RASSF3: variants seen among roughly 807,000 people sequenced by gnomAD.
The protein encoded by RASSF3 is ras association domain-containing protein 3.
In RASSF3, 19 loss-of-function variants were observed where a neutral mutation model predicts 19.9. The observed-to-expected ratio is 0.96, with a 90% confidence interval of 0.67 to 1.40. RASSF3 has a LOEUF of 1.40. RASSF3 is among the 40% of genes most tolerant of loss of function. RASSF3 has a pLI of 0.00. For synonymous variants in RASSF3, 110 were observed against 104.2 expected, an observed-to-expected ratio of 1.06 and a Z score of -0.34; for missense variants, 306 against 289.8, an observed-to-expected ratio of 1.06 and a Z score of -0.41.
At chr12:64,604,129 CTTTT>C (rs201730918) in intron 2 of RASSF3, among the ~76,000 whole-genome samples, 1 of 126,004 alleles carries the variant, frequency 7.9e-6, no homozygotes. Flanking sequence ...TACAGGTTTT[CTTTT>C]TTTTTTTTTT....
intron 2 of RASSF3, among the ~76,000 whole-genome samples, chr12:64,565,917 G>T (rs1343130080): frequency 6.8e-6 from 1 of 147,264 alleles, no homozygotes; most frequent in Non-Finnish European, 1.5e-5. Flanking sequence ...GAAGAGTCTT[G>T]CAGCCGGGCG....
intron 1 of RASSF3, among the ~76,000 whole-genome samples, chr12:64,663,985 A>G (rs772757091): frequency 1.9e-4 from 29 of 152,278 alleles, no homozygotes; most frequent in Middle Eastern, 6.8e-3. Flanking sequence ...CAGCACGCCA[A>G]TATATACAAG....
intron 4 of RASSF3, among the ~76,000 whole-genome samples, 154 bp downstream of exon 4, chr12:64,691,733 G>GAGACGAGAGTTGGAGGGC (rs1555217318): frequency 6.6e-6 from 1 of 152,154 alleles, no homozygotes; most frequent in African/African-American, 2.4e-5. Flanking sequence ...AGGGCAGGGA[G>GAGACGAGAGTTGGAGGGC]AGGGAGAGGG....
At chr12:64,638,376 C>T (rs766217031) in intron 1 of RASSF3, among the ~76,000 whole-genome samples, 7 of 151,828 alleles carry the variant, frequency 4.6e-5, no homozygotes, top group African/African-American at 1.5e-4. Context: ...GTCAGGAGAT[C>T]GAGACCATCC....
intron 1 of RASSF3, among the ~76,000 whole-genome samples, chr12:64,526,897 G>A (rs1868600201): frequency 6.6e-6 from 1 of 152,188 alleles, no homozygotes; most frequent in South Asian, 2.1e-4. Flanking sequence ...TGTGGTAATT[G>A]TCTTTCTGTG....
chr12:64,581,121 A>AAAG (rs1869688415), intron 2 of RASSF3, among the ~76,000 whole-genome samples: 2 of 151,324 alleles, frequency 1.3e-5, no homozygotes, highest in Non-Finnish European at 2.9e-5. Flanking sequence ...AAAAAAAAAA[A>AAAG]AGAGAGAGAG....
In RASSF3 at chr12:64,559,496, C is replaced by T. The variant is rs1467111693; in HGVS notation, c.294+17791C>T. Among the ~76,000 whole-genome samples, 7 of 152,164 alleles carry T rather than the reference C, an allele frequency of 4.6e-5. No homozygotes were observed. The East Asian group carries it at 7.7e-4, about 17-fold the overall frequency. ...GTGTTAGCCAGGATGGTCTCGATCT[C>T]CTGACCTCGTGATCTGCCCACCTCG... On this transcript the variant is annotated intron_variant, in intron 2 of 5. Coordinates refer to the RASSF3 transcript ENST00000637125.
exon 1 of RASSF3, chr12:64,507,207 T>C (rs954871928): frequency 2.8e-5 from 11 of 398,554 alleles, no homozygotes; most frequent in Admixed American, 8.8e-5. Flanking sequence ...GTTCTCGCTA[T>C]GGCCATAAGA....
intron 2 of RASSF3, among the ~76,000 whole-genome samples, chr12:64,581,820 C>CT (rs1489103410): frequency 7.1e-6 from 1 of 141,058 alleles, no homozygotes; most frequent in Non-Finnish European, 1.5e-5. Context: ...TTTGTTTCTT[C>CT]TTTTTAAATC....
intron 3 of RASSF3, 109 bp from the exon 4 acceptor site, chr12:64,691,361 C>A: frequency 1.4e-6 from 1 of 721,168 alleles, no homozygotes. Flanking sequence ...GACTTAGAGG[C>A]TGGGGTAACT....
intron 2 of RASSF3, among the ~76,000 whole-genome samples, chr12:64,588,864 T>C (rs1361846942): frequency 6.6e-6 from 1 of 152,204 alleles, no homozygotes; most frequent in Non-Finnish European, 1.5e-5. Flanking sequence ...CTTTAATGTC[T>C]ATATAATAGA....
intron 4 of RASSF3, among the ~76,000 whole-genome samples, chr12:64,693,302 C>T (rs1868311300): frequency 6.6e-6 from 1 of 152,114 alleles, no homozygotes; most frequent in South Asian, 2.1e-4. Context: ...AGTTCTCCAC[C>T]AGGATCCAGG....
intron 1 of RASSF3, among the ~76,000 whole-genome samples, chr12:64,667,369 C>G (rs1306251658): frequency 6.6e-6 from 1 of 152,098 alleles, no homozygotes; most frequent in Non-Finnish European, 1.5e-5. Context: ...CTCTGTCACC[C>G]AGGCTGGAGT....
intron 2 of RASSF3, among the ~76,000 whole-genome samples, chr12:64,583,362 C>A (rs1489426917): frequency 6.6e-6 from 1 of 152,218 alleles, no homozygotes; most frequent in African/African-American, 2.4e-5. Flanking sequence ...TGGCTCACGC[C>A]TGTAATCCCA....
At chr12:64,644,699 A>AAAACAAACAAACAAACAAAC (rs67152006) in intron 1 of RASSF3, among the ~76,000 whole-genome samples, 6,928 of 150,304 alleles carry the variant, frequency 0.046, 197 homozygotes, top group Non-Finnish European at 0.068. Flanking sequence ...TCTCCAACCA[A>AAAACAAACAAACAAACAAAC]AAACAAACAA....
chr12:64,527,180 T>C (rs192248132), intron 1 of RASSF3, among the ~76,000 whole-genome samples: 126 of 152,278 alleles, frequency 8.3e-4, no homozygotes, highest in Non-Finnish European at 1.4e-3. Context: ...CAGAATCCTA[T>C]CATTGAGTCC....
intron 1 of RASSF3, among the ~76,000 whole-genome samples, chr12:64,648,590 A>C (rs1019628930): frequency 2.0e-5 from 3 of 150,234 alleles, no homozygotes; most frequent in Non-Finnish European, 4.4e-5. Context: ...TCAAGCGATT[A>C]TCCTGCCTCA....
At chr12:64,656,180 T>G (rs1327028339) in intron 1 of RASSF3, among the ~76,000 whole-genome samples, 1 of 152,194 alleles carries the variant, frequency 6.6e-6, no homozygotes, top group Non-Finnish European at 1.5e-5. Context: ...ATATATGCAT[T>G]TGATAGTAGT....
intron 1 of RASSF3, among the ~76,000 whole-genome samples, chr12:64,665,737 C>G (rs1013353731): frequency 6.6e-6 from 1 of 152,224 alleles, no homozygotes; most frequent in African/African-American, 2.4e-5. Flanking sequence ...CAGAACTGCC[C>G]TTGAGCTGCT....
Sources: gnomAD v4.1 joint callset for allele counts (sites outside exome capture counted in the v4.1 genomes callset) on GRCh38, gnomAD v4.1.1 for gene constraint, MANE v1.5 for transcripts, NCBI Gene and HGNC (gene_info 2026-07-23, HGNC 2026-07-21) for gene names.